NKAIN3: variants seen among roughly 807,000 people sequenced by gnomAD.
NKAIN3 encodes the protein sodium/potassium transporting ATPase interacting 3, also known as sodium/potassium-transporting ATPase subunit beta-1-interacting protein 3.
In NKAIN3, 25 loss-of-function variants were observed where a neutral mutation model predicts 30.2. The observed-to-expected ratio is 0.83, with a 90% CI of 0.60 to 1.16. The LOEUF is 1.16. NKAIN3 is among the 50% of genes most tolerant of loss of function. The pLI is 0.00. For missense variants in NKAIN3, 225 were observed against 254.1 expected, an observed-to-expected ratio of 0.89 and a Z score of 0.78; for synonymous variants, 91 against 89.6, an observed-to-expected ratio of 1.02 and a Z score of -0.09.
intron 1 of NKAIN3, among the ~76,000 whole-genome samples, chr8:62,251,666 C>T (rs1812106765): frequency 6.6e-6 from 1 of 152,138 alleles, no homozygotes; most frequent in African/African-American, 2.4e-5. Context: ...TGTCTATAGA[C>T]ATGACACACT....
chr8:62,807,767 G>GATATATATATATAAAATACATACATAT (rs1818347711), intron 4 of NKAIN3, among the ~76,000 whole-genome samples: 1 of 147,488 alleles, frequency 6.8e-6, no homozygotes, highest in Non-Finnish European at 1.5e-5. Context: ...TGGCCAGGAA[G>GATATATATATATAAAATACATACATAT]ATATATATAT....
chr8:62,469,629 A>G (rs1218754474), intron 1 of NKAIN3, among the ~76,000 whole-genome samples: 2 of 152,162 alleles, frequency 1.3e-5, no homozygotes, highest in Non-Finnish European at 2.9e-5. Context: ...TTAAATGTGT[A>G]CAAAGAGCTT....
intron 1 of NKAIN3, among the ~76,000 whole-genome samples, chr8:62,289,484 A>G (rs1813507283): frequency 6.6e-6 from 1 of 152,212 alleles, no homozygotes; most frequent in South Asian, 2.1e-4. Flanking sequence ...TCCCAGCACC[A>G]TTTATTAAAT....
intron 1 of NKAIN3, among the ~76,000 whole-genome samples, chr8:62,559,165 G>T (rs1809492780): frequency 6.6e-6 from 1 of 151,942 alleles, no homozygotes. Flanking sequence ...CAGAAGCAAT[G>T]GGATCTAGTT....
intron 1 of NKAIN3, among the ~76,000 whole-genome samples, chr8:62,485,138 T>G (rs1028231054): frequency 3.9e-5 from 6 of 152,054 alleles, no homozygotes; most frequent in African/African-American, 1.4e-4. Context: ...GTCCTTTTCA[T>G]GATGTATGCT....
intron 1 of NKAIN3, among the ~76,000 whole-genome samples, chr8:62,448,673 C>G (rs1325316031): frequency 6.6e-6 from 1 of 151,852 alleles, no homozygotes; most frequent in Non-Finnish European, 1.5e-5. Context: ...AGAAAGACAG[C>G]AGACCTAGAA....
intron 3 of NKAIN3, among the ~76,000 whole-genome samples, chr8:62,680,187 C>T (rs997717350): frequency 5.9e-5 from 9 of 152,148 alleles, no homozygotes; most frequent in Non-Finnish European, 1.5e-5. Context: ...AAACTTGGAA[C>T]TCAGTCCTAC....
downstream of NKAIN3, among the ~76,000 whole-genome samples, chr8:62,987,204 T>C (rs1824219437): frequency 6.6e-6 from 1 of 151,952 alleles, no homozygotes; most frequent in South Asian, 2.1e-4. Flanking sequence ...CTGGCCAACA[T>C]GACAAGACCA....
chr8:62,258,723 A>G (rs1335939369), intron 1 of NKAIN3, among the ~76,000 whole-genome samples: 3 of 152,224 alleles, frequency 2.0e-5, no homozygotes, highest in Non-Finnish European at 2.9e-5. Flanking sequence ...TTCGTTAAAA[A>G]TAAAAATAAA....
intron 5 of NKAIN3, chr8:62,999,210 T>A (rs149510677): frequency 4.9e-4 from 74 of 152,340 alleles, no homozygotes; most frequent in African/African-American, 1.7e-3. Context: ...GTAGTCAGTT[T>A]TTTGGCTCAT....
intron 4 of NKAIN3, among the ~76,000 whole-genome samples, chr8:62,769,816 AG>A (rs1816958637): frequency 6.6e-6 from 1 of 152,162 alleles, no homozygotes; most frequent in Admixed American, 6.5e-5. Context: ...AGCAGTTTGG[AG>A]ATTCAACAGT....
intron 5 of NKAIN3, among the ~76,000 whole-genome samples, chr8:62,998,347 C>T (rs1272798039): frequency 1.3e-5 from 2 of 152,074 alleles, no homozygotes; most frequent in African/African-American, 2.4e-5. Context: ...CCAATCTCGG[C>T]TTACTGAAAC....
At chr8:62,763,700 A>G (rs1321898074) in intron 4 of NKAIN3, among the ~76,000 whole-genome samples, 5 of 152,214 alleles carry the variant, frequency 3.3e-5, no homozygotes, top group Admixed American at 2.6e-4. Flanking sequence ...TTTGAAGTCA[A>G]TGATTACAAG....
chr8:62,618,389 G>C lies in NKAIN3; in HGVS notation c.273+28595G>C, dbSNP rs559354807. Among the ~76,000 whole-genome samples, 106 of 152,188 alleles carry C rather than the reference G, an allele frequency of 7.0e-4. 2 individuals carry two copies. The South Asian group carries it at 0.022, about 31-fold the overall frequency. ...ATCAGGATCCAAAACTTCATGAGTCGATCCAGCAGGGAGTGAAGGGAGGAA... is the reference window on the plus strand; with the variant it reads ...ATCAGGATCCAAAACTTCATGAGTCCATCCAGCAGGGAGTGAAGGGAGGAA... On this transcript the variant is annotated intron_variant, in intron 3 of 6. Transcript: ENST00000623646.
intron 3 of NKAIN3, among the ~76,000 whole-genome samples, chr8:62,715,351 T>G (rs982030031): frequency 6.6e-6 from 1 of 152,192 alleles, no homozygotes; most frequent in Non-Finnish European, 1.5e-5. Context: ...ATAAAAAACC[T>G]AGGTTCTTCC....
chr8:62,661,516 C>T (rs1317278976), intron 3 of NKAIN3, among the ~76,000 whole-genome samples: 1 of 152,216 alleles, frequency 6.6e-6, no homozygotes, highest in Non-Finnish European at 1.5e-5. Context: ...TTAAACTTAG[C>T]AGTCTTCCAG....
chr8:62,955,560 T>C (rs1823398338), intron 6 of NKAIN3, among the ~76,000 whole-genome samples: 1 of 152,154 alleles, frequency 6.6e-6, no homozygotes, highest in Admixed American at 6.5e-5. Flanking sequence ...GCAGAGAAAT[T>C]GCAATATGAA....
At chr8:62,440,625 C>G (rs544686368) in intron 1 of NKAIN3, among the ~76,000 whole-genome samples, 1 of 152,180 alleles carries the variant, frequency 6.6e-6, no homozygotes, top group South Asian at 2.1e-4. Flanking sequence ...ACCAAAAAAC[C>G]CAAATCTCTT....
At chr8:62,486,671 TC>T in intron 1 of NKAIN3, among the ~76,000 whole-genome samples, 1 of 152,280 alleles carries the variant, frequency 6.6e-6, no homozygotes, top group African/African-American at 2.4e-5. Flanking sequence ...AGAGAAAACT[TC>T]CGACACACAC....
Sources: gnomAD v4.1 joint callset for allele counts (sites outside exome capture counted in the v4.1 genomes callset) on GRCh38, gnomAD v4.1.1 for gene constraint, MANE v1.5 for transcripts, NCBI Gene and HGNC (gene_info 2026-07-23, HGNC 2026-07-21) for gene names.